Variants in DRC3 observed in about 807,000 individuals in gnomAD.
DRC3 encodes leucine rich repeat containing 48.
A neutral mutation model predicts 57.6 loss-of-function variants in DRC3; 45 were observed. The ratio of observed to expected loss-of-function variants is 0.78; its 90% CI spans 0.62 to 1.00. The LOEUF (loss-of-function observed/expected upper bound fraction) is 1.00, where lower values mean the gene tolerates loss of function less well. DRC3 is among the 50% of genes least tolerant of loss of function. DRC3 has a pLI of 0.00. For missense variants in DRC3, 655 were observed against 675.2 expected (o/e 0.97, Z 0.33); for synonymous variants, 257 against 272.3 (o/e 0.94, Z 0.55).
intron 6 of DRC3, 26 bp from the exon 7 acceptor site, chr17:17,994,271 AAC>A: frequency 6.5e-7 from 1 of 1,548,994 alleles, no homozygotes; most frequent in Non-Finnish European, 8.7e-7. Context: ...AACCTCTGGT[AAC>A]AATGCCACTC....
intron 9 of DRC3, among the ~76,000 whole-genome samples, chr17:18,000,356 G>C (rs956820869): frequency 1.4e-5 from 2 of 142,364 alleles, no homozygotes; most frequent in African/African-American, 2.7e-5. Flanking sequence ...GCTTTCACGT[G>C]AGTGTGTGTG....
chr17:17,984,916 C>T (rs188734874), intron 4 of DRC3, among the ~76,000 whole-genome samples: 4 of 152,300 alleles, frequency 2.6e-5, no homozygotes, highest in Admixed American at 2.0e-4. Flanking sequence ...TGCCATTTCA[C>T]ACATGCAGCA....
chr17:17,994,317 AAGCACCAGTAC>A lies in DRC3; in HGVS notation c.615_625del (p.Gln206ArgfsTer42). On this transcript the variant is annotated frameshift_variant, in exon 7 of 14. Transcript: ENST00000399187. LOFTEE classifies it high-confidence loss of function. ...TGGTCAGAAAAAGCTTGCGGAGGCTAAGCACCAGTACAGCATCGACGAGCTGAAGCACCAGG... is the reference window on the plus strand; with the variant it reads ...TGGTCAGAAAAAGCTTGCGGAGGCTAAGCATCGACGAGCTGAAGCACCAGG... 1 of 1,553,108 alleles carries A rather than the reference AAGCACCAGTAC, an allele frequency of 6.4e-7. No homozygotes were observed. The highest frequency in any genetic ancestry group is 8.7e-7 in the Non-Finnish European group (1 of 1,147,904).
intron 8 of DRC3, among the ~76,000 whole-genome samples, chr17:17,995,982 G>A (rs2043441731): frequency 6.6e-6 from 1 of 152,200 alleles, no homozygotes; most frequent in South Asian, 2.1e-4. Context: ...ATATACTTGA[G>A]ACTGGGCAAT....
At chr17:17,998,264 A>G (rs965651285) in intron 9 of DRC3, among the ~76,000 whole-genome samples, 1 of 152,104 alleles carries the variant, frequency 6.6e-6, no homozygotes, top group Non-Finnish European at 1.5e-5. Flanking sequence ...GATGGGGAGG[A>G]AGGGCGTTCC....
chr17:17,982,565 T>C (rs2042750939), intron 3 of DRC3, among the ~76,000 whole-genome samples: 1 of 150,046 alleles, frequency 6.7e-6, no homozygotes, highest in Non-Finnish European at 1.5e-5. Context: ...TTTCAGTTCT[T>C]TTAATGAGCA....
intron 12 of DRC3, 30 bp from the exon 13 acceptor site, chr17:18,016,034 C>A: frequency 6.2e-7 from 1 of 1,610,988 alleles, no homozygotes; most frequent in Non-Finnish European, 8.5e-7. Context: ...ATGACACACA[C>A]TTTCTCATTG....
Position 18,006,209 on chromosome 17 carries a change from C to A in DRC3, c.1158C>A (p.Asn386Lys). The change falls in exon 11 of 14, where the codon AAC becomes AAA. Residue 386 changes from asparagine to lysine, a missense_variant. Asn to Lys is a moderately conservative substitution (Grantham distance 94, BLOSUM62 0). Transcript: ENST00000399187. ...LEETINMFERNIVDMVGLFIE... is the reference protein window; with the variant it reads ...LEETINMFERKIVDMVGLFIE... ...AGACTATAAACATGTTTGAAAGGAA[C>A]ATTGTTGACATGGTAGGACTGTTTA... 6.2e-7 allele frequency: 1 copy of A among 1,612,280 alleles called. No homozygotes were observed. The highest frequency in any genetic ancestry group is 1.1e-5 in the South Asian group (1 of 90,790).
chr17:17,976,288 G>A (rs1301148890), intron 2 of DRC3, among the ~76,000 whole-genome samples: 3 of 152,308 alleles, frequency 2.0e-5, no homozygotes, highest in African/African-American at 7.2e-5. Flanking sequence ...AGCCACGAAC[G>A]GCAGCCTGGA....
At chr17:17,993,701 T>C (rs190994665) in intron 6 of DRC3, 15 of 153,688 alleles carry the variant, frequency 9.8e-5, no homozygotes, top group Non-Finnish European at 2.2e-4. Context: ...ATCTGAGGAT[T>C]GCCAATTGGC....
At chr17:18,012,689 A>G (rs907142610) in intron 12 of DRC3, among the ~76,000 whole-genome samples, 2 of 152,184 alleles carry the variant, frequency 1.3e-5, no homozygotes, top group African/African-American at 2.4e-5. Context: ...CTCAGAAGAA[A>G]AAAAAAAAGA....
intron 13 of DRC3, 175 bp downstream of exon 13, chr17:18,016,370 A>G (rs1277006469): frequency 3.6e-6 from 3 of 837,098 alleles, no homozygotes; most frequent in Non-Finnish European, 5.6e-6. Context: ...TTTAAAACCC[A>G]TGGGCTTCAT....
At chr17:17,985,130 A>G (rs986208402) in intron 4 of DRC3, among the ~76,000 whole-genome samples, 1 of 152,224 alleles carries the variant, frequency 6.6e-6, no homozygotes, top group African/African-American at 2.4e-5. Flanking sequence ...TCTCTCAGAC[A>G]TAAAGCAAGT....
chr17:17,989,142 A>T (rs2043105276), intron 5 of DRC3, among the ~76,000 whole-genome samples: 1 of 152,124 alleles, frequency 6.6e-6, no homozygotes, highest in Non-Finnish European at 1.5e-5. Context: ...TCACTGAGAG[A>T]TAACTAGAAT....
In DRC3 at chr17:17,997,551, A is replaced by G. The variant is rs1192371934; in HGVS notation, c.916A>G (p.Ser306Gly). The G allele has an allele frequency of 6.2e-7, 1 of 1,611,172 alleles. No individual in the cohort carries two copies. The highest frequency in any genetic ancestry group is 2.2e-5 in the East Asian group (1 of 44,596). The change falls in exon 9 of 14, where the codon AGT (serine) becomes GGT (glycine). Residue 306 changes from serine (S) to glycine (G), a missense_variant. Physicochemically the swap from Ser to Gly is moderately conservative, Grantham distance 56 (BLOSUM62 0). Coordinates refer to ENST00000399187, the MANE Select transcript of DRC3 (RefSeq NM_031294.4). ...EKRKTELDTF[S>G]ECVREAIQEN... ...GCGGAAAACAGAGCTTGACACCTTC[A>G]GTGAATGTGTCCGTGAGGCCATCCA...
In DRC3 at chr17:17,987,959, T is replaced by C. The variant is rs755586454; in HGVS notation, c.305T>C (p.Ile102Thr). 7 of 1,613,844 alleles carry C rather than the reference T, an allele frequency of 4.3e-6. No individual in the cohort carries two copies. Among genetic ancestry groups the C allele is most frequent in the Non-Finnish European group, 5.9e-6 (7 of 1,179,892 alleles). The part of the protein sequence containing the change: ...LDLSFNNIET[I>T]EGLDTLVNLE... ...CTGTCTTTCAACAACATTGAGACCA[T>C]CGAGGGGCTGGACACACTGGTGAAC... Residue 102 changes from isoleucine to threonine, a missense_variant, in exon 5 of 14, where the codon ATC (isoleucine) becomes ACC (threonine). Physicochemically the swap from Ile to Thr is moderately conservative, Grantham distance 89. Transcript: ENST00000399187.
intron 4 of DRC3, among the ~76,000 whole-genome samples, chr17:17,987,130 A>G (rs1485453072): frequency 6.8e-6 from 1 of 146,024 alleles, no homozygotes; most frequent in Non-Finnish European, 1.5e-5. Context: ...CAGGAGGATC[A>G]CTTGAACCCA....
intron 7 of DRC3, 128 bp from the exon 8 acceptor site, chr17:17,994,871 A>G: frequency 1.5e-6 from 1 of 663,692 alleles, no homozygotes. Flanking sequence ...ATGCCTCTGC[A>G]CCTCTGCACA....
intron 2 of DRC3, among the ~76,000 whole-genome samples, chr17:17,976,889 T>C (rs909742194): frequency 1.3e-5 from 2 of 152,162 alleles, no homozygotes; most frequent in African/African-American, 4.8e-5. Context: ...TCTGCTTTTC[T>C]CTGTGCATCT....
Sources: gnomAD v4.1 joint callset for allele counts (sites outside exome capture counted in the v4.1 genomes callset) on GRCh38, gnomAD v4.1.1 for gene constraint, MANE v1.5 for transcripts, NCBI Gene and HGNC (gene_info 2026-07-23, HGNC 2026-07-21) for gene names.